NEK4: variants seen among roughly 807,000 people sequenced by gnomAD.
The protein encoded by NEK4 is serine/threonine-protein kinase Nek4.
NEK4 carries 86 observed loss-of-function variants against 98.4 expected under a neutral mutation model. That is an observed-to-expected ratio of 0.87 (90% CI 0.73 to 1.05). NEK4 has a LOEUF of 1.05. Among genes scored for constraint, NEK4 ranks in the 50% least tolerant of loss-of-function variants. The pLI, the probability that NEK4 is intolerant of heterozygous loss-of-function variation, is 0.00. For synonymous variants in NEK4, 328 were observed against 342.2 expected, an observed-to-expected ratio of 0.96 and a Z score of 0.46; for missense variants, 898 against 950.3, an observed-to-expected ratio of 0.94 and a Z score of 0.72.
At chr3:52,745,977 C>G in intron 10 of NEK4, 84 bp downstream of exon 10, 1 of 1,247,678 alleles carries the variant, frequency 8.0e-7, no homozygotes, top group South Asian at 1.3e-5. Context: ...CTTGCTTCAG[C>G]CTCCCAAAGT....
intron 6 of NEK4, chr3:52,753,519 A>G (rs2097409288): frequency 2.1e-6 from 1 of 466,978 alleles, no homozygotes; most frequent in South Asian, 1.7e-5. Flanking sequence ...TGTTTGGAGT[A>G]CACATTATGT....
chr3:52,736,960 A>G (rs1159537025), intron 15 of NEK4, among the ~76,000 whole-genome samples: 5 of 152,140 alleles, frequency 3.3e-5, no homozygotes, highest in Non-Finnish European at 7.4e-5. Flanking sequence ...TTTTTGAGAC[A>G]GAGTCTTGCT....
chr3:52,730,562 T>C (rs1024967273), intron 15 of NEK4, among the ~76,000 whole-genome samples: 1 of 152,212 alleles, frequency 6.6e-6, no homozygotes, highest in Non-Finnish European at 1.5e-5. Flanking sequence ...GATTAAAGTA[T>C]TTTTTCACCT....
At chr3:52,741,928 T>C (rs924981682) in intron 12 of NEK4, among the ~76,000 whole-genome samples, 3 of 152,050 alleles carry the variant, frequency 2.0e-5, no homozygotes, top group African/African-American at 7.2e-5. Flanking sequence ...TACAGGCACG[T>C]GCCGCAACGC....
chr3:52,711,962 C>T, intron 15 of NEK4, 93 bp from the exon 16 acceptor site: 1 of 687,456 alleles, frequency 1.5e-6, no homozygotes, highest in Non-Finnish European at 2.5e-6. Flanking sequence ...GCATGGTATC[C>T]AAGGTGGAAA....
intron 4 of NEK4, among the ~76,000 whole-genome samples, chr3:52,764,807 G>C (rs915039591): frequency 1.7e-5 from 2 of 115,756 alleles, no homozygotes; most frequent in Non-Finnish European, 3.9e-5. Flanking sequence ...CACACACACA[G>C]AGTTATGTCT....
chr3:52,743,501 C>G (rs1016671440), intron 11 of NEK4, 40 bp from the exon 12 acceptor site: 15 of 1,520,326 alleles, frequency 9.9e-6, no homozygotes, highest in Non-Finnish European at 1.4e-5. Context: ...TTGTGGTGGG[C>G]TGCCCCAGTT....
rs143067920 is a variant in NEK4, at chr3:52,723,227, C to T, written c.2434-11358G>A. 3.2e-3 allele frequency among the ~76,000 whole-genome samples: 486 copies of T among 152,020 alleles called. 3 individuals carry two copies. Among genetic ancestry groups the T allele is most frequent in the Non-Finnish European group, 5.3e-3 (358 of 67,966 alleles). On this transcript the variant is annotated intron_variant, in intron 15 of 15. Coordinates refer to ENST00000233027, the MANE Select transcript of NEK4 (RefSeq NM_003157.6). ...AAAATAAAATGATGTATAAATAAAA[C>T]AAATATCAGTAAAGAGAAAGACATA...
In NEK4 at chr3:52,756,766, T is replaced by A. The variant is rs75214512; in HGVS notation, c.963+4029A>T. On this transcript the variant is annotated intron_variant, in intron 6 of 15. Transcript: ENST00000233027. ...AAAGACACACTGGATTTCACAAAAATTAAAAATTTTGTGCATCAAAAGATA... is the reference window on the plus strand; with the variant it reads ...AAAGACACACTGGATTTCACAAAAAATAAAAATTTTGTGCATCAAAAGATA... 3.1e-4 allele frequency among the ~76,000 whole-genome samples: 47 copies of A among 152,100 alleles called. No homozygotes were observed. The East Asian group carries it at 8.9e-3, about 29-fold the overall frequency.
chr3:52,746,882 A>G lies in NEK4; in HGVS notation c.1529T>C (p.Ile510Thr). ...GTGGATTCTGCCCTGTTTTTCTATA[A>G]TACATTCACCAGCAACTTGATCCTT... ...HAQDQVAGEC[I>T]IEKQGRIHPD... Residue 510 changes from isoleucine (I) to threonine (T), a missense_variant, in exon 9 of 16, where the codon ATT (isoleucine) becomes ACT (threonine). Ile to Thr is a moderately conservative substitution (Grantham distance 89). Transcript: ENST00000233027. 1 of 1,613,774 alleles carries G rather than the reference A, an allele frequency of 6.2e-7. No homozygotes were observed. The highest frequency in any genetic ancestry group is 1.1e-5 in the South Asian group (1 of 91,064).
At chr3:52,754,657 A>G in intron 6 of NEK4, 1 of 655,600 alleles carries the variant, frequency 1.5e-6, no homozygotes. Context: ...GGCTCAGTAC[A>G]ATCTTTCAGT....
chr3:52,765,793 T>C (rs780568337), intron 4 of NEK4, 94 bp downstream of exon 4: 5 of 766,836 alleles, frequency 6.5e-6, no homozygotes, highest in Non-Finnish European at 1.1e-5. Context: ...TAATTACTCA[T>C]TGACTCATCA....
In NEK4 at chr3:52,744,314, G is replaced by T; in HGVS notation, c.1828-9C>A. 6.2e-7 allele frequency: 1 copy of T among 1,607,172 alleles called. No homozygotes were observed. The highest frequency in any genetic ancestry group is 8.5e-7 in the Non-Finnish European group (1 of 1,173,782). ...GCTGATAATGGTCGATCCTTTAAAA[G>T]AAAGTCACAGAGTCACTTCCATTCC... is the stretch of plus-strand genomic sequence containing the variant. On this transcript the variant is annotated splice_polypyrimidine_tract_variant and intron_variant, in intron 10 of 15. Transcript: ENST00000233027.
intron 2 of NEK4, among the ~76,000 whole-genome samples, chr3:52,766,795 G>A (rs1319153516): frequency 6.6e-6 from 1 of 151,574 alleles, no homozygotes; most frequent in Non-Finnish European, 1.5e-5. Context: ...GACCATCCTG[G>A]CTAACAAGGT....
chr3:52,752,448 G>A (rs1377365326), intron 6 of NEK4, 112 bp from the exon 7 acceptor site: 2 of 1,006,426 alleles, frequency 2.0e-6, no homozygotes, highest in African/African-American at 1.6e-5. Flanking sequence ...ATTAACATAT[G>A]ACTCAGCAAT....
chr3:52,737,585 CCT>C lies in NEK4; in HGVS notation c.2432_2433del (p.Glu811GlyfsTer9), dbSNP rs763439248. 1.3e-5 allele frequency: 21 copies of C among 1,613,656 alleles called. No homozygotes were observed. The Admixed American group carries it at 3.0e-4, about 23-fold the overall frequency. On this transcript the variant is annotated frameshift_variant and splice_region_variant, in exon 15 of 16. Transcript: ENST00000233027. LOFTEE classifies it high-confidence loss of function. ...CTTGATACAGTTAATGAGACACTCA[CCT>C]CTCTATCAAATTCATCCTCCTCCTC... ...LLEEEDEFDR[E>X]VRLREHMGEK... is the part of the protein sequence containing the mutation.
At chr3:52,713,348 T>C (rs2097352149) in intron 15 of NEK4, among the ~76,000 whole-genome samples, 1 of 152,244 alleles carries the variant, frequency 6.6e-6, no homozygotes, top group Non-Finnish European at 1.5e-5. Flanking sequence ...CAGCCTAGGC[T>C]GTCTCATCCT....
intron 7 of NEK4, among the ~76,000 whole-genome samples, 198 bp downstream of exon 7, chr3:52,751,734 G>A (rs372987420): frequency 3.4e-4 from 52 of 152,330 alleles, no homozygotes; most frequent in African/African-American, 1.2e-3. Flanking sequence ...GTTGCCACGA[G>A]TTGTGGGCAA....
intron 15 of NEK4, chr3:52,733,540 T>C: frequency 1.2e-5 from 6 of 499,408 alleles, no homozygotes; most frequent in South Asian, 4.5e-5. Context: ...ACGTAATGAA[T>C]GTGGCAAGGT....
Sources: allele counts gnomAD v4.1 joint callset (sites outside exome capture counted in the v4.1 genomes callset), GRCh38; gene constraint gnomAD v4.1.1; transcripts MANE v1.5; gene names NCBI Gene and HGNC (gene_info 2026-07-23, HGNC 2026-07-21).